Variants in SPON1 observed in about 807,000 individuals in gnomAD.
The protein encoded by SPON1 is spondin 1, also known as spondin-1.
In SPON1, 52 loss-of-function variants were observed where a neutral mutation model predicts 111.7. That is an observed-to-expected ratio of 0.47 (90% CI 0.37 to 0.59). The LOEUF is 0.59. SPON1 is among the 20% of genes least tolerant of loss of function. SPON1 has a pLI of 0.00. For missense variants in SPON1, 957 were observed against 1,068.5 expected, an observed-to-expected ratio of 0.90 and a Z score of 1.46; for synonymous variants, 410 against 395.8, an observed-to-expected ratio of 1.04 and a Z score of -0.43.
chr11:14,263,181 C>T (rs1489645142), intron 15 of SPON1: 16 of 554,016 alleles, frequency 2.9e-5, no homozygotes, highest in Admixed American at 1.0e-4. Flanking sequence ...AGGAGATTGG[C>T]GGTGGGGGTC....
intron 2 of SPON1, among the ~76,000 whole-genome samples, chr11:14,006,666 A>G (rs1554913180): frequency 6.6e-6 from 1 of 152,070 alleles, no homozygotes; most frequent in Admixed American, 6.6e-5. Context: ...CTCCTTAGCT[A>G]AGCTCATCAT....
intron 2 of SPON1, among the ~76,000 whole-genome samples, chr11:13,994,616 A>T (rs1171288942): frequency 2.0e-4 from 30 of 152,230 alleles, no homozygotes; most frequent in Admixed American, 2.0e-3. Context: ...CTAATGGAGG[A>T]AGAGAGAAAC....
chr11:13,990,362 T>C (rs1247971510), intron 2 of SPON1, among the ~76,000 whole-genome samples: 1 of 137,264 alleles, frequency 7.3e-6, no homozygotes, highest in African/African-American at 2.7e-5. Context: ...AGATTAGGAT[T>C]GCAACTCCTG....
Position 13,962,941 on chromosome 11 carries a change from A to C in SPON1, c.37A>C (p.Thr13Pro). The change falls in exon 1 of 16, where the codon ACT becomes CCT. Residue 13 changes from threonine (T) to proline (P), a missense_variant. Thr to Pro is a conservative substitution (Grantham distance 38). This residue lies in a region of SPON1 where 262 missense variants were observed against 253.9 expected (regional missense o/e 1.03). Coordinates refer to ENST00000576479, the MANE Select transcript of SPON1 (RefSeq NM_006108.4). ...LSPAPLKLSR[T>P]PALLALALPL... ...CCCGGCGCCCCTGAAGCTGAGCCGGACTCCGGCACTGCTGGCCCTGGCGCT... is the reference window on the plus strand; with the variant it reads ...CCCGGCGCCCCTGAAGCTGAGCCGGCCTCCGGCACTGCTGGCCCTGGCGCT... The C allele has an allele frequency of 6.3e-7, 1 of 1,576,752 alleles. No individual in the cohort carries two copies. The highest frequency in any genetic ancestry group is 1.4e-5 in the African/African-American group (1 of 73,080).
intron 3 of SPON1, among the ~76,000 whole-genome samples, chr11:14,062,737 C>T (rs1268637939): frequency 6.6e-6 from 1 of 152,208 alleles, no homozygotes; most frequent in African/African-American, 2.4e-5. Context: ...TCTTGAAATG[C>T]ATCTCACTTT....
At chr11:14,262,566 G>A in intron 14 of SPON1, 146 bp from the exon 15 acceptor site, 1 of 1,096,990 alleles carries the variant, frequency 9.1e-7, no homozygotes, top group Non-Finnish European at 1.3e-6. Context: ...CTGCCTCTTT[G>A]GAGCCTCAGT....
chr11:14,015,367 G>T (rs1342767368), intron 2 of SPON1, among the ~76,000 whole-genome samples: 7 of 152,132 alleles, frequency 4.6e-5, no homozygotes, highest in African/African-American at 1.2e-4. Flanking sequence ...TGGTAGAAGG[G>T]ATAATATAAG....
rs1481975433 is a variant in SPON1, at chr11:14,266,712, G to A, written c.*1025G>A. The A allele has an allele frequency of 6.6e-6, 1 of 152,128 alleles. No individual in the cohort carries two copies. The highest frequency in any genetic ancestry group is 6.5e-5 in the Admixed American group (1 of 15,272). The allele number at this position is 152,128 out of a possible 1,614,324, so 9.4% of individuals were successfully genotyped here. On this transcript the variant is annotated 3_prime_UTR_variant, in exon 16 of 16. Coordinates refer to ENST00000576479, the MANE Select transcript of SPON1 (RefSeq NM_006108.4). ...ATCTCTGTACTTTAAAGTTATTTTAGTCATGAAATTTTATATGCAGAGAGA... is the reference window on the plus strand; with the variant it reads ...ATCTCTGTACTTTAAAGTTATTTTAATCATGAAATTTTATATGCAGAGAGA...
chr11:14,117,660 A>AT lies in SPON1; in HGVS notation c.677-17753dup, dbSNP rs1849276672. Among the ~76,000 whole-genome samples, 10 of 152,228 alleles carry AT rather than the reference A, an allele frequency of 6.6e-5. No individual in the cohort carries two copies. The South Asian group carries it at 2.1e-3, about 32-fold the overall frequency. ...AACTTTTACCTCAATTTTGAGATGG[A>AT]TTTTTTTCTACCTGGGCTGACCCCT... is the stretch of plus-strand genomic sequence containing the variant. On this transcript the variant is annotated intron_variant, in intron 5 of 15. Transcript: ENST00000576479.
rs368270716 is a variant in SPON1, at chr11:14,154,613, C to T, written c.825+19045C>T. Among the ~76,000 whole-genome samples, 8 of 152,320 alleles carry T rather than the reference C, an allele frequency of 5.3e-5. No individual in the cohort carries two copies. The East Asian group carries it at 7.7e-4, about 15-fold the overall frequency. ...GGCTGCTGTGAAGGTTTCTGAAATGCCTTACAGGCATTTTTCCCATTGTCT... is the reference window on the plus strand; with the variant it reads ...GGCTGCTGTGAAGGTTTCTGAAATGTCTTACAGGCATTTTTCCCATTGTCT... On this transcript the variant is annotated intron_variant, in intron 6 of 15. Transcript: ENST00000576479.
At chr11:14,197,648 CA>C (rs11343423) in intron 6 of SPON1, among the ~76,000 whole-genome samples, 52,806 of 119,708 alleles carry the variant, frequency 0.44, 10,301 homozygotes, top group East Asian at 0.56. Flanking sequence ...ACTAAATATA[CA>C]AAAAAAAAAA....
rs189268694 is a variant in SPON1 at position 14,258,628 on chromosome 11, G to A, written c.1493-652G>A. On this transcript the variant is annotated intron_variant, in intron 11 of 15. Transcript: ENST00000576479. ...GGGAAAAAAACCACTTCCAAGCCGA[G>A]GATAAAGAAAGCAAGCTTATCCCAT... Among the ~76,000 whole-genome samples the A allele has an allele frequency of 5.3e-4, 81 of 152,326 alleles. 2 individuals carry two copies. In the East Asian group the frequency reaches 9.3e-3, roughly 17 times the overall value.
chr11:13,993,367 G>A (rs2133788411), intron 2 of SPON1, among the ~76,000 whole-genome samples: 1 of 152,006 alleles, frequency 6.6e-6, no homozygotes, highest in African/African-American at 2.4e-5. Context: ...TCTCTTTGAT[G>A]AGATAGCTGA....
chr11:14,020,830 C>G (rs1161490217), intron 2 of SPON1, among the ~76,000 whole-genome samples: 1 of 152,152 alleles, frequency 6.6e-6, no homozygotes, highest in Non-Finnish European at 1.5e-5. Flanking sequence ...GACCTCAGCT[C>G]TCTGTGAACA....
intron 6 of SPON1, among the ~76,000 whole-genome samples, chr11:14,235,908 C>A (rs1171012344): frequency 2.0e-5 from 3 of 152,070 alleles, no homozygotes; most frequent in Non-Finnish European, 2.9e-5. Flanking sequence ...GAACAGCATT[C>A]CAGGCACAGG....
chr11:14,259,212 C>G lies in SPON1; in HGVS notation c.1493-68C>G. On this transcript the variant is annotated intron_variant, in intron 11 of 15. Coordinates refer to ENST00000576479, the MANE Select transcript of SPON1 (RefSeq NM_006108.4). This position sits in a 1 kb window ranked among gnomAD's most constrained non-coding sequence, Gnocchi z 5.0. ...CTTGATTCCCGCTGGCGGGAAGTTC[C>G]CACCGCGCAGCCTGGCAGGCGCCCC... 1 of 1,483,758 alleles carries G rather than the reference C, an allele frequency of 6.7e-7. No individual in the cohort carries two copies. Among genetic ancestry groups the G allele is most frequent in the Non-Finnish European group, 9.0e-7 (1 of 1,110,858 alleles). 91.9% of individuals were successfully genotyped at this position (1,483,758 alleles called of 1,614,324 possible). A position where few individuals can be genotyped will look rare whatever the true frequency, so the allele number is the denominator to read the frequency against.
chr11:13,970,619 C>T (rs1848055531), intron 1 of SPON1, among the ~76,000 whole-genome samples: 1 of 151,960 alleles, frequency 6.6e-6, no homozygotes, highest in South Asian at 2.1e-4. Flanking sequence ...TCCTTGTCCT[C>T]CCCCCAACTC....
At chr11:14,175,899 A>G (rs1848169371) in intron 6 of SPON1, among the ~76,000 whole-genome samples, 1 of 152,212 alleles carries the variant, frequency 6.6e-6, no homozygotes, top group Non-Finnish European at 1.5e-5. Flanking sequence ...TGCATGGGAA[A>G]CTGAATTAAC....
intron 2 of SPON1, among the ~76,000 whole-genome samples, chr11:14,031,303 A>T (rs372048506): frequency 6.6e-6 from 1 of 152,214 alleles, no homozygotes; most frequent in African/African-American, 2.4e-5. Flanking sequence ...GTACATGTAC[A>T]CCCTGAAGTT....
Sources: allele counts gnomAD v4.1 joint callset (sites outside exome capture counted in the v4.1 genomes callset), GRCh38; gene constraint gnomAD v4.1.1; regional missense constraint gnomAD v4.1.1; non-coding constraint Gnocchi (gnomAD v3.1); transcripts MANE v1.5; gene names NCBI Gene and HGNC (gene_info 2026-07-23, HGNC 2026-07-21).